CNNM2: variants seen among roughly 807,000 people sequenced by gnomAD.
The protein encoded by CNNM2 is metal transporter CNNM2.
A neutral mutation model predicts 66.9 loss-of-function variants in CNNM2; 12 were observed. The observed-to-expected ratio is 0.18, with a 90% CI of 0.11 to 0.29. The LOEUF (loss-of-function observed/expected upper bound fraction) is 0.29, where lower values mean the gene tolerates loss of function less well. Ranked by LOEUF, CNNM2 falls within the 10% of genes least tolerant of loss-of-function variation. CNNM2 has a pLI of 1.00. For synonymous variants in CNNM2, 557 were observed against 501.8 expected (o/e 1.11, Z -1.47); for missense variants, 705 against 1,167.7 (o/e 0.60, Z 5.77).
chr10:102,966,950 G>C (rs888171920), intron 1 of CNNM2, among the ~76,000 whole-genome samples: 1 of 152,080 alleles, frequency 6.6e-6, no homozygotes, highest in African/African-American at 2.4e-5. Flanking sequence ...GAAGTGTCTG[G>C]AAGAATGCAG....
rs1363393542 is a variant in CNNM2 at position 103,084,516 on chromosome 10, C to T, written c.*7336C>T. On this transcript the variant is annotated 3_prime_UTR_variant, in exon 8 of 8. Coordinates refer to ENST00000369878, the MANE Select transcript of CNNM2 (RefSeq NM_017649.5). ...GGGAAAGAAATCATGGTAGCACATT[C>T]ACTCCCAGCCTCCTGCCTTGGTTTG... 6.6e-6 allele frequency: 1 copy of T among 152,180 alleles called. No homozygotes were observed. The highest frequency in any genetic ancestry group is 1.5e-5 in the Non-Finnish European group (1 of 68,028). The allele number at this position is 152,180 out of a possible 1,614,324, so 9.4% of individuals were successfully genotyped here. A position where few individuals can be genotyped will look rare whatever the true frequency, so the allele number is the denominator to read the frequency against.
In CNNM2 at chr10:102,956,058, C is replaced by T. The variant is rs12776844; in HGVS notation, c.1621+35957C>T. The stretch of plus-strand genomic sequence containing the variant: ...ATCCCAGCACTTTGGGAGGCTGAGG[C>T]GGGCGGATCACCAGGTCAGGAGATC... On this transcript the variant is annotated intron_variant, in intron 1 of 7. Transcript: ENST00000369878. Among the ~76,000 whole-genome samples the T allele has an allele frequency of 1.5e-3, 222 of 152,238 alleles. 1 individual carries two copies. The highest frequency in any genetic ancestry group is 3.4e-3 in the Middle Eastern group (1 of 294).
chr10:103,052,009 G>C (rs2065221265), intron 2 of CNNM2, among the ~76,000 whole-genome samples: 1 of 152,054 alleles, frequency 6.6e-6, no homozygotes, highest in Non-Finnish European at 1.5e-5. Flanking sequence ...GGGCGTGGTG[G>C]CTCATGCCTG....
Position 102,986,619 on chromosome 10 carries a change from T to TA in CNNM2, c.1622-63078dup, listed in dbSNP as rs34820640. 0.21 allele frequency among the ~76,000 whole-genome samples: 30,266 copies of TA among 147,118 alleles called. 3,151 individuals carry two copies. The highest frequency in any genetic ancestry group is 0.22 in the Non-Finnish European group (14,866 of 66,636). On this transcript the variant is annotated intron_variant, in intron 1 of 7. Coordinates refer to ENST00000369878, the MANE Select transcript of CNNM2 (RefSeq NM_017649.5). ...AACACGATGAAACCATGTCTCTACTTAAAAAAAAAAGTCAGCTGGGCATGG... is the reference window on the plus strand; with the variant it reads ...AACACGATGAAACCATGTCTCTACTTAAAAAAAAAAAGTCAGCTGGGCATGG...
intron 1 of CNNM2, among the ~76,000 whole-genome samples, chr10:103,001,130 T>C (rs2064113169): frequency 6.6e-6 from 1 of 152,140 alleles, no homozygotes; most frequent in South Asian, 2.1e-4. Flanking sequence ...GAACTTAGAT[T>C]AGTCAAAATT....
intron 4 of CNNM2, 116 bp from the exon 5 acceptor site, chr10:103,068,513 C>T (rs1004765247): frequency 2.0e-5 from 17 of 831,536 alleles, no homozygotes; most frequent in South Asian, 5.9e-5. Context: ...TTTACTCCCT[C>T]GATAGTGTTG....
In CNNM2 at chr10:103,054,852, T is replaced by C. The variant is rs996766111; in HGVS notation, c.1903+386T>C. ...TGGTGCCAGCCTGGCACCAGCTTGT[T>C]TGATGGACAATTGAGTCCAATCTCT... On this transcript the variant is annotated intron_variant, in intron 3 of 7. Transcript: ENST00000369878. This position sits in a 1 kb window ranked among gnomAD's most constrained non-coding sequence, Gnocchi z 5.2. 2.6e-5 allele frequency among the ~76,000 whole-genome samples: 4 copies of C among 152,194 alleles called. No homozygotes were observed. Among genetic ancestry groups the C allele is most frequent in the Non-Finnish European group, 5.9e-5 (4 of 68,036 alleles).
intron 1 of CNNM2, among the ~76,000 whole-genome samples, chr10:103,003,879 A>T (rs2064172083): frequency 6.6e-6 from 1 of 152,010 alleles, no homozygotes; most frequent in Non-Finnish European, 1.5e-5. Flanking sequence ...AAATGAAAAC[A>T]TACAAGGTGT....
At chr10:102,976,973 C>G (rs1243994238) in intron 1 of CNNM2, among the ~76,000 whole-genome samples, 1 of 152,132 alleles carries the variant, frequency 6.6e-6, no homozygotes, top group Non-Finnish European at 1.5e-5. Context: ...CATCATGCAG[C>G]TTGACTATTA....
intron 1 of CNNM2, among the ~76,000 whole-genome samples, chr10:102,981,544 C>T (rs1001143591): frequency 6.6e-6 from 1 of 151,676 alleles, no homozygotes; most frequent in Non-Finnish European, 1.5e-5. Context: ...GTGCATGCCA[C>T]CACACCCGGC....
intron 1 of CNNM2, among the ~76,000 whole-genome samples, chr10:102,974,990 T>G (rs769843777): frequency 1.3e-5 from 2 of 152,212 alleles, no homozygotes; most frequent in Non-Finnish European, 2.9e-5. Context: ...AAGCCCATAA[T>G]TAGCCATCAG....
intron 2 of CNNM2, among the ~76,000 whole-genome samples, chr10:103,050,184 TA>T (rs2065192255): frequency 6.6e-6 from 1 of 152,240 alleles, no homozygotes; most frequent in Non-Finnish European, 1.5e-5. Context: ...CAACTAGGTA[TA>T]TTGTTTTCAG....
At chr10:103,033,062 G>A (rs1398681590) in intron 1 of CNNM2, among the ~76,000 whole-genome samples, 5 of 149,384 alleles carry the variant, frequency 3.3e-5, no homozygotes, top group African/African-American at 1.2e-4. Context: ...AGGTTGTAGT[G>A]AGCCATGATC....
chr10:103,021,346 G>A (rs1030445423), intron 1 of CNNM2, among the ~76,000 whole-genome samples: 7 of 152,184 alleles, frequency 4.6e-5, no homozygotes, highest in Non-Finnish European at 7.3e-5. Flanking sequence ...GAAATGCGGC[G>A]CATTCCTGAG....
intron 1 of CNNM2, among the ~76,000 whole-genome samples, chr10:102,968,532 A>T (rs1030626269): frequency 1.3e-5 from 2 of 151,544 alleles, no homozygotes; most frequent in African/African-American, 4.9e-5. Context: ...GATGTGAGCC[A>T]CCCAACCTGG....
intron 1 of CNNM2, among the ~76,000 whole-genome samples, chr10:102,931,523 A>G (rs1375515791): frequency 4.6e-5 from 7 of 151,840 alleles, no homozygotes; most frequent in Non-Finnish European, 8.8e-5. Context: ...ACGGCCGGCT[A>G]ATTTTGTATT....
chr10:103,010,320 C>T (rs183260669), intron 1 of CNNM2, among the ~76,000 whole-genome samples: 20 of 152,080 alleles, frequency 1.3e-4, no homozygotes, highest in African/African-American at 4.6e-4. Context: ...GCACTACAGC[C>T]TGGACCTCCT....
At chr10:103,043,652 A>C (rs1016754182) in intron 1 of CNNM2, among the ~76,000 whole-genome samples, 10 of 152,216 alleles carry the variant, frequency 6.6e-5, no homozygotes, top group African/African-American at 2.4e-4. Context: ...GCAGAGGTAG[A>C]AATTTGATCC....
Position 103,054,319 on chromosome 10 carries a change from C to T in CNNM2, c.1766-10C>T, listed in dbSNP as rs1260140352. 3.0e-5 allele frequency: 48 copies of T among 1,611,734 alleles called. No homozygotes were observed. Among genetic ancestry groups the T allele is most frequent in the Non-Finnish European group, 4.0e-5 (47 of 1,179,162 alleles). ...TTCTTTTTTTTTCTCTCTTTTAATT[C>T]CTCCCTTAGCTGACAACAGAACGAA... On this transcript the variant is annotated splice_polypyrimidine_tract_variant and intron_variant, in intron 2 of 7. Coordinates refer to ENST00000369878, the MANE Select transcript of CNNM2 (RefSeq NM_017649.5). The surrounding 1 kb of genome is among the most constrained non-coding windows in gnomAD (Gnocchi z 5.2).
Sources: gnomAD v4.1 joint callset for allele counts (sites outside exome capture counted in the v4.1 genomes callset) on GRCh38, gnomAD v4.1.1 for gene constraint, Gnocchi (gnomAD v3.1) non-coding constraint, MANE v1.5 for transcripts, NCBI Gene and HGNC (gene_info 2026-07-23, HGNC 2026-07-21) for gene names.